The following AIG1 variants were observed in gnomAD, a reference collection of about 807,000 sequenced individuals.
AIG1 encodes the protein androgen-induced gene 1 protein.
In AIG1, 23 loss-of-function variants were observed where a neutral mutation model predicts 31.4. The observed-to-expected ratio is 0.73, with a 90% CI of 0.53 to 1.04. AIG1 has a LOEUF of 1.04. AIG1 is among the 50% of genes least tolerant of loss of function. The pLI, the probability that AIG1 is intolerant of heterozygous loss-of-function variation, is 0.00. For missense variants in AIG1, 274 were observed against 295.0 expected (o/e 0.93, Z 0.52); for synonymous variants, 100 against 110.5 (o/e 0.90, Z 0.60).
intron 3 of AIG1, among the ~76,000 whole-genome samples, chr6:143,210,152 C>T (rs1791472023): frequency 6.6e-6 from 1 of 152,184 alleles, no homozygotes; most frequent in Non-Finnish European, 1.5e-5. Flanking sequence ...GGGCTTTTCC[C>T]CCTTCTGCTC....
At chr6:143,076,673 ATTT>A (rs559735679) in intron 1 of AIG1, among the ~76,000 whole-genome samples, 1 of 136,700 alleles carries the variant, frequency 7.3e-6, no homozygotes. Flanking sequence ...GGTTATTTGA[ATTT>A]TTTTTTTTTT....
At chr6:143,192,761 A>G (rs974089089) in intron 3 of AIG1, among the ~76,000 whole-genome samples, 12 of 152,216 alleles carry the variant, frequency 7.9e-5, no homozygotes, top group Admixed American at 2.6e-4. Flanking sequence ...CAAATATCCA[A>G]ATAACTGCAC....
intron 2 of AIG1, among the ~76,000 whole-genome samples, chr6:143,149,557 A>AAAG (rs1785015537): frequency 1.4e-5 from 2 of 146,884 alleles, no homozygotes; most frequent in Non-Finnish European, 3.0e-5. Flanking sequence ...AAAAAAAAAA[A>AAAG]GAAAGAAAAT....
Position 143,333,535 on chromosome 6 carries a change from T to A in AIG1, c.679+90T>A. 2 of 1,363,370 alleles carry A rather than the reference T, an allele frequency of 1.5e-6. No homozygotes were observed. Among genetic ancestry groups the A allele is most frequent in the Non-Finnish European group, 2.0e-6 (2 of 995,754 alleles). The allele number at this position is 1,363,370 out of a possible 1,614,324, so 84.5% of individuals were successfully genotyped here. On this transcript the variant is annotated intron_variant, in intron 5 of 5. Transcript: ENST00000357847. The surrounding 1 kb of genome is among the most constrained non-coding windows in gnomAD (Gnocchi z 4.6). ...TGAGGGAAAATTCCACTGTAGCCTC[T>A]TCTTTTAGCCTTCACACAGGATCTC... is the stretch of plus-strand genomic sequence containing the variant.
At chr6:143,171,539 T>A (rs1787636743) in intron 3 of AIG1, among the ~76,000 whole-genome samples, 1 of 132,298 alleles carries the variant, frequency 7.6e-6, no homozygotes, top group Admixed American at 8.6e-5. Flanking sequence ...ATATATATAT[T>A]ATATATATAT....
intron 3 of AIG1, among the ~76,000 whole-genome samples, chr6:143,226,374 C>A (rs1338775722): frequency 1.3e-5 from 2 of 151,536 alleles, no homozygotes; most frequent in Admixed American, 1.3e-4. Context: ...CAAGTAGCTG[C>A]GACTACAGGC....
chr6:143,177,152 T>A (rs1281578225), intron 3 of AIG1, among the ~76,000 whole-genome samples: 1 of 152,268 alleles, frequency 6.6e-6, no homozygotes, highest in Non-Finnish European at 1.5e-5. Flanking sequence ...TGTTTCGTTC[T>A]TTTTAATGAT....
intron 1 of AIG1, among the ~76,000 whole-genome samples, chr6:143,104,057 C>T (rs997717069): frequency 6.6e-6 from 1 of 152,120 alleles, no homozygotes; most frequent in Non-Finnish European, 1.5e-5. Context: ...TTATTTTAAT[C>T]AACCACAGAC....
chr6:143,251,274 A>T (rs1402144185), intron 3 of AIG1, among the ~76,000 whole-genome samples: 2 of 151,570 alleles, frequency 1.3e-5, no homozygotes, highest in Non-Finnish European at 2.9e-5. Flanking sequence ...CTGGTCTCGA[A>T]CTCCCGGCCT....
At chr6:143,318,465 T>G (rs1775944467) in intron 4 of AIG1, among the ~76,000 whole-genome samples, 1 of 152,080 alleles carries the variant, frequency 6.6e-6, no homozygotes, top group Non-Finnish European at 1.5e-5. Flanking sequence ...ATCTTTCACC[T>G]TATACAGAAA....
chr6:143,270,081 G>A (rs1479229740), intron 3 of AIG1, among the ~76,000 whole-genome samples: 2 of 152,192 alleles, frequency 1.3e-5, no homozygotes, highest in African/African-American at 2.4e-5. Context: ...AAATTCCCAA[G>A]ATTCAAACAG....
intron 1 of AIG1, among the ~76,000 whole-genome samples, chr6:143,095,277 A>C (rs549037805): frequency 6.6e-6 from 1 of 152,314 alleles, no homozygotes; most frequent in South Asian, 2.1e-4. Flanking sequence ...ATTAGAAAAA[A>C]ATAATAAAAC....
At chr6:143,243,852 C>T (rs1794430668) in intron 3 of AIG1, among the ~76,000 whole-genome samples, 1 of 152,190 alleles carries the variant, frequency 6.6e-6, no homozygotes, top group South Asian at 2.1e-4. Context: ...ATATGTGGCA[C>T]TCATACCTCA....
At chr6:143,187,447 T>C in intron 3 of AIG1, 1 of 1,535,590 alleles carries the variant, frequency 6.5e-7, no homozygotes, top group Non-Finnish European at 8.7e-7. Flanking sequence ...ATGATCAGCT[T>C]GGTTGAAGTT....
At chr6:143,066,601 A>G (rs1175302502) in intron 1 of AIG1, among the ~76,000 whole-genome samples, 1 of 152,160 alleles carries the variant, frequency 6.6e-6, no homozygotes, top group Non-Finnish European at 1.5e-5. Flanking sequence ...AAAACATATT[A>G]CAGATTGACT....
intron 4 of AIG1, among the ~76,000 whole-genome samples, chr6:143,309,555 A>C (rs1775097642): frequency 6.6e-6 from 1 of 151,998 alleles, no homozygotes; most frequent in African/African-American, 2.4e-5. Flanking sequence ...AAACCAAAGA[A>C]AACAGAAAGG....
At chr6:143,305,167 C>T (rs887796942) in intron 4 of AIG1, among the ~76,000 whole-genome samples, 2 of 152,036 alleles carry the variant, frequency 1.3e-5, no homozygotes, top group Admixed American at 6.6e-5. Context: ...TTGATCCTTT[C>T]AAAAAACCAG....
At chr6:143,109,800 G>C (rs150957150) in intron 1 of AIG1, among the ~76,000 whole-genome samples, 2 of 152,098 alleles carry the variant, frequency 1.3e-5, no homozygotes, top group African/African-American at 2.4e-5. Context: ...TTATATACAT[G>C]ACAAATATAT....
chr6:143,142,680 G>A (rs2128530830), intron 2 of AIG1, among the ~76,000 whole-genome samples: 1 of 152,206 alleles, frequency 6.6e-6, no homozygotes, highest in Middle Eastern at 3.4e-3. Context: ...TCTTATCTGA[G>A]TTTAGACTCA....
Sources: gnomAD v4.1 joint callset for allele counts (sites outside exome capture counted in the v4.1 genomes callset) on GRCh38, gnomAD v4.1.1 for gene constraint, Gnocchi (gnomAD v3.1) non-coding constraint, MANE v1.5 for transcripts, NCBI Gene and HGNC (gene_info 2026-07-23, HGNC 2026-07-21) for gene names.